The following BRSK2 variants were observed in gnomAD, a reference collection of about 807,000 sequenced individuals.
BRSK2 encodes BR serine/threonine kinase 2, also known as serine/threonine-protein kinase BRSK2.
In BRSK2, 19 loss-of-function variants were observed where a neutral mutation model predicts 83.3. The ratio of observed to expected loss-of-function variants is 0.23; its 90% CI spans 0.16 to 0.33. BRSK2 has a LOEUF of 0.33. BRSK2 is among the 10% of genes least tolerant of loss of function. The probability of loss-of-function intolerance (pLI) is 1.00; values close to 1 mark genes in which losing one functional copy is unlikely to be tolerated. For synonymous variants in BRSK2, 519 were observed against 435.4 expected, an observed-to-expected ratio of 1.19 and a Z score of -2.39; for missense variants, 798 against 1,042.3, an observed-to-expected ratio of 0.77 and a Z score of 3.23.
At chr11:1,406,122 CCCT>C (rs1445202111) in intron 1 of BRSK2, among the ~76,000 whole-genome samples, 1 of 152,166 alleles carries the variant, frequency 6.6e-6, no homozygotes, top group African/African-American at 2.4e-5. Flanking sequence ...CCCAGCCTTC[CCCT>C]CCTCCTGCCT....
intron 1 of BRSK2, among the ~76,000 whole-genome samples, chr11:1,400,240 C>T (rs376692995): frequency 1.3e-5 from 2 of 152,182 alleles, no homozygotes; most frequent in African/African-American, 4.8e-5. Context: ...CTCAGTCTCC[C>T]GCCCCCTCCA....
At chr11:1,436,678 C>T (rs1398239018) in intron 2 of BRSK2, among the ~76,000 whole-genome samples, 2 of 152,092 alleles carry the variant, frequency 1.3e-5, no homozygotes, top group Non-Finnish European at 2.9e-5. Flanking sequence ...AAGCCTGACC[C>T]TGGGTGTAGA....
Position 1,454,187 on chromosome 11 carries a change from G to GTGGGGGGCTCACCTT in BRSK2, c.1545-295_1545-294insGGGGCTCACCTTTGG. On this transcript the variant is annotated intron_variant, in intron 15 of 19. Coordinates refer to ENST00000528841, the MANE Select transcript of BRSK2 (RefSeq NM_001256627.2). The surrounding 1 kb of genome is among the most constrained non-coding windows in gnomAD (Gnocchi z 5.2). ...GGGCTCACCTGTGGGGGGCTCACCT[G>GTGGGGGGCTCACCTT]TGGAGGGGCATCCCCAGACTTGGGA... 3.4e-6 allele frequency: 1 copy of GTGGGGGGCTCACCTT among 295,864 alleles called. No homozygotes were observed. Among genetic ancestry groups the GTGGGGGGCTCACCTT allele is most frequent in the Non-Finnish European group, 6.6e-6 (1 of 152,458 alleles). 18.3% of individuals were successfully genotyped at this position (295,864 alleles called of 1,614,324 possible). A position where few individuals can be genotyped will look rare whatever the true frequency, so the allele number is the denominator to read the frequency against.
chr11:1,433,667 T>TGCA (rs1274803055), intron 1 of BRSK2, among the ~76,000 whole-genome samples: 1 of 152,244 alleles, frequency 6.6e-6, no homozygotes, highest in Non-Finnish European at 1.5e-5. Flanking sequence ...GGATGCGCTG[T>TGCA]GGGCGCCTCC....
intron 1 of BRSK2, among the ~76,000 whole-genome samples, chr11:1,406,875 T>G (rs1015082289): frequency 6.6e-6 from 1 of 152,158 alleles, no homozygotes; most frequent in African/African-American, 2.4e-5. Flanking sequence ...TGTGCAGGTT[T>G]GTGTGCGCCT....
At chr11:1,409,334 C>T (rs1847171350) in intron 1 of BRSK2, 1 of 152,200 alleles carries the variant, frequency 6.6e-6, no homozygotes, top group Non-Finnish European at 1.5e-5. Context: ...GAGTGGAGCT[C>T]CTTCGCACAG....
At chr11:1,409,535 G>C (rs982064876) in intron 1 of BRSK2, 8 of 152,284 alleles carry the variant, frequency 5.3e-5, no homozygotes, top group African/African-American at 1.9e-4. Context: ...CTCCTTGGAG[G>C]CTGTGTGGCG....
chr11:1,449,734 G>C (rs776589831), intron 12 of BRSK2, 42 bp from the exon 13 acceptor site: 2 of 1,574,862 alleles, frequency 1.3e-6, no homozygotes, highest in Non-Finnish European at 1.7e-6. Context: ...CTGCTCCACT[G>C]CCCCCTGGCT....
At chr11:1,397,478 G>A (rs551685737) in intron 1 of BRSK2, among the ~76,000 whole-genome samples, 130 of 152,342 alleles carry the variant, frequency 8.5e-4, no homozygotes, top group African/African-American at 3.0e-3. Flanking sequence ...GAAACTCCTC[G>A]TTTTCCTGGA....
At chr11:1,426,461 AG>A (rs1448421924) in intron 1 of BRSK2, among the ~76,000 whole-genome samples, 1 of 152,070 alleles carries the variant, frequency 6.6e-6, no homozygotes, top group East Asian at 1.9e-4. Context: ...CACGCCGGGG[AG>A]GACACATGTA....
intron 1 of BRSK2, among the ~76,000 whole-genome samples, chr11:1,425,324 G>A (rs572815395): frequency 2.0e-4 from 30 of 152,330 alleles, no homozygotes; most frequent in Admixed American, 4.6e-4. Flanking sequence ...CGCAGGCTGT[G>A]TGGGGGCCTC....
chr11:1,418,025 G>C (rs1420085899), intron 1 of BRSK2, among the ~76,000 whole-genome samples: 3 of 148,568 alleles, frequency 2.0e-5, no homozygotes, highest in Non-Finnish European at 4.4e-5. Flanking sequence ...TCTGTTGGCA[G>C]TTTCTTCTCT....
chr11:1,458,708 G>A (rs1317571889), intron 18 of BRSK2, among the ~76,000 whole-genome samples: 1 of 152,190 alleles, frequency 6.6e-6, no homozygotes, highest in Non-Finnish European at 1.5e-5. Flanking sequence ...CCCCAGTCCT[G>A]GACTGGCAGC....
chr11:1,436,853 C>T (rs1195837771), intron 2 of BRSK2, among the ~76,000 whole-genome samples: 2 of 152,052 alleles, frequency 1.3e-5, no homozygotes, highest in Admixed American at 6.5e-5. Flanking sequence ...GACCCGGGGA[C>T]GAGGCCAGTG....
chr11:1,426,862 C>T (rs1210600306), intron 1 of BRSK2, among the ~76,000 whole-genome samples: 1 of 152,052 alleles, frequency 6.6e-6, no homozygotes, highest in African/African-American at 2.4e-5. Flanking sequence ...TGGCCAGCAG[C>T]AGGCAAGTCT....
rs536052394 is a variant in BRSK2, at chr11:1,461,442, T to TGG, written c.*721_*722dup. ...TCCCTTGCCTCATCTGGGGCGGCTG[T>TGG]GGGCTCTGGCGCTCCTCTCTGGCTG... On this transcript the variant is annotated 3_prime_UTR_variant, in exon 20 of 20. Coordinates refer to ENST00000528841, the MANE Select transcript of BRSK2 (RefSeq NM_001256627.2). The TGG allele has an allele frequency of 3.5e-4, 80 of 229,104 alleles. No individual in the cohort carries two copies. The South Asian group carries it at 4.4e-3, about 12-fold the overall frequency. 14.2% of individuals were successfully genotyped at this position (229,104 alleles called of 1,614,324 possible). A position where few individuals can be genotyped will look rare whatever the true frequency, so the allele number is the denominator to read the frequency against.
At chr11:1,446,936 T>C (rs965656275) in intron 12 of BRSK2, among the ~76,000 whole-genome samples, 7 of 152,108 alleles carry the variant, frequency 4.6e-5, no homozygotes, top group Non-Finnish European at 7.4e-5. Context: ...CCTCGGGAAC[T>C]TGGGGGAAGC....
At chr11:1,414,464 C>T (rs1847884532) in intron 1 of BRSK2, among the ~76,000 whole-genome samples, 1 of 152,152 alleles carries the variant, frequency 6.6e-6, no homozygotes, top group Non-Finnish European at 1.5e-5. Context: ...AGCTAAGGAG[C>T]CTCAGAGTAT....
rs1054757691 is a variant in BRSK2 at position 1,447,760 on chromosome 11, CGTCA to C, written c.1226+1856_1226+1859del. 1.5e-5 allele frequency: 23 copies of C among 1,581,922 alleles called. No homozygotes were observed. In the Admixed American group the frequency reaches 1.6e-4, roughly 11 times the overall value. On this transcript the variant is annotated intron_variant, in intron 12 of 19. Transcript: ENST00000528841. ...GGGCCGACCTGTGCCCGCGTGTGGC[CGTCA>C]GTAACTGTGTTTTCTCGCTCTGTTC... is the stretch of plus-strand genomic sequence containing the variant.
Sources: allele counts gnomAD v4.1 joint callset (sites outside exome capture counted in the v4.1 genomes callset), GRCh38; gene constraint gnomAD v4.1.1; non-coding constraint Gnocchi (gnomAD v3.1); transcripts MANE v1.5; gene names NCBI Gene and HGNC (gene_info 2026-07-23, HGNC 2026-07-21).